The following CCSER1 variants were observed in gnomAD, a reference collection of about 807,000 sequenced individuals.
CCSER1 encodes serine-rich coiled-coil domain-containing protein 1.
Under a neutral mutation model 82.0 loss-of-function variants are expected in CCSER1, and 41 were observed. The ratio of observed to expected loss-of-function variants is 0.50; its 90% CI spans 0.39 to 0.65. The LOEUF is 0.65. Among genes scored for constraint, CCSER1 ranks in the 30% least tolerant of loss-of-function variants. The probability of loss-of-function intolerance (pLI) is 0.00; values close to 1 mark genes in which losing one functional copy is unlikely to be tolerated. For missense variants in CCSER1, 1,119 were observed against 1,064.2 expected (o/e 1.05, Z -0.72); for synonymous variants, 414 against 383.9 (o/e 1.08, Z -0.92).
intron 10 of CCSER1, among the ~76,000 whole-genome samples, chr4:91,543,375 T>C (rs7438076): frequency 0.54 from 81,742 of 152,010 alleles, 22,190 homozygotes; most frequent in African/African-American, 0.59. Context: ...GCTTGTTAGT[T>C]GATGCAGTTT....
chr4:90,757,848 A>G (rs1749779614), intron 7 of CCSER1, among the ~76,000 whole-genome samples: 1 of 152,150 alleles, frequency 6.6e-6, no homozygotes, highest in South Asian at 2.1e-4. Flanking sequence ...ATGTGATTTA[A>G]TGGATGATGT....
At chr4:90,988,104 C>T (rs2078879851) in intron 9 of CCSER1, among the ~76,000 whole-genome samples, 1 of 151,330 alleles carries the variant, frequency 6.6e-6, no homozygotes, top group African/African-American at 2.4e-5. Context: ...ATCACTTGGG[C>T]CTAGGATTTT....
chr4:91,363,121 TCAAAAAA>T (rs1749358485), intron 10 of CCSER1, among the ~76,000 whole-genome samples: 1 of 151,052 alleles, frequency 6.6e-6, no homozygotes, highest in South Asian at 2.1e-4. Flanking sequence ...AGTCATTTCC[TCAAAAAA>T]CAAAAAACAA....
In CCSER1 at chr4:91,556,055, T is replaced by C. The variant is rs549169297; in HGVS notation, c.2218-42517T>C. ...TGGTAAAAGAAAAACTTAAATGAGTTAAGTAAATGAAACGTGCCTTAGCAC... is the reference window on the plus strand; with the variant it reads ...TGGTAAAAGAAAAACTTAAATGAGTCAAGTAAATGAAACGTGCCTTAGCAC... On this transcript the variant is annotated intron_variant, in intron 10 of 10. Transcript: ENST00000509176. Among the ~76,000 whole-genome samples the C allele has an allele frequency of 2.0e-5, 3 of 151,410 alleles. No individual in the cohort carries two copies. In the East Asian group the frequency reaches 5.8e-4, roughly 29 times the overall value.
chr4:91,529,620 TC>T (rs1760926043), intron 10 of CCSER1, among the ~76,000 whole-genome samples: 1 of 152,134 alleles, frequency 6.6e-6, no homozygotes, highest in Non-Finnish European at 1.5e-5. Flanking sequence ...AGTTGCTTTT[TC>T]TTTTTCCTTT....
chr4:91,460,112 CA>C (rs1220912056), intron 10 of CCSER1, among the ~76,000 whole-genome samples: 1 of 152,154 alleles, frequency 6.6e-6, no homozygotes, highest in African/African-American at 2.4e-5. Context: ...TGGTAAATAT[CA>C]AGGCCAGCTT....
chr4:90,218,535 A>G (rs1324215110), intron 1 of CCSER1, among the ~76,000 whole-genome samples: 6 of 152,238 alleles, frequency 3.9e-5, no homozygotes, highest in Non-Finnish European at 5.9e-5. Context: ...GAAATAAAAC[A>G]TTAAACTTGC....
rs1260395653 is a variant in CCSER1, at chr4:91,479,832, G to T, written c.2218-118740G>T. 2.8e-5 allele frequency among the ~76,000 whole-genome samples: 4 copies of T among 143,162 alleles called. No homozygotes were observed. The Admixed American group carries it at 2.8e-4, about 10-fold the overall frequency. 93.9% of individuals were successfully genotyped at this position (143,162 alleles called of 152,430 possible). On this transcript the variant is annotated intron_variant, in intron 10 of 10. Coordinates refer to ENST00000509176, the MANE Select transcript of CCSER1 (RefSeq NM_001145065.2). ...ATGTATACATGTGCCATGCTGGTGC[G>T]CTGCACCCACTAACTCGTCATCTAG...
intron 10 of CCSER1, among the ~76,000 whole-genome samples, chr4:91,265,052 T>C (rs1228806882): frequency 6.6e-6 from 1 of 152,020 alleles, no homozygotes; most frequent in Non-Finnish European, 1.5e-5. Context: ...TTATAAACCA[T>C]AAGAAAGAAA....
At chr4:90,357,981 A>G (rs1744655373) in intron 3 of CCSER1, among the ~76,000 whole-genome samples, 1 of 151,982 alleles carries the variant, frequency 6.6e-6, no homozygotes, top group South Asian at 2.1e-4. Flanking sequence ...CCCAAATTAA[A>G]TCAATCTTCC....
intron 10 of CCSER1, among the ~76,000 whole-genome samples, chr4:91,481,952 T>C (rs1578577534): frequency 6.6e-6 from 1 of 151,794 alleles, no homozygotes; most frequent in East Asian, 1.9e-4. Flanking sequence ...CATCAAAAAG[T>C]GGGTGAAGGA....
At chr4:90,479,783 A>G (rs1414268919) in intron 5 of CCSER1, among the ~76,000 whole-genome samples, 1 of 152,080 alleles carries the variant, frequency 6.6e-6, no homozygotes, top group African/African-American at 2.4e-5. Flanking sequence ...TCATTGTTGG[A>G]CATTTGGGTT....
At chr4:91,177,267 G>A (rs925380981) in intron 10 of CCSER1, among the ~76,000 whole-genome samples, 6 of 152,174 alleles carry the variant, frequency 3.9e-5, no homozygotes, top group African/African-American at 1.4e-4. Flanking sequence ...CAGGGATATT[G>A]GTCTAAAATT....
chr4:91,360,115 A>G (rs1749152200), intron 10 of CCSER1, among the ~76,000 whole-genome samples: 1 of 151,824 alleles, frequency 6.6e-6, no homozygotes, highest in Non-Finnish European at 1.5e-5. Context: ...GTGGCACCAT[A>G]TAGTTCAAAA....
intron 4 of CCSER1, among the ~76,000 whole-genome samples, chr4:90,456,970 C>T (rs1236691443): frequency 3.9e-5 from 6 of 152,200 alleles, no homozygotes; most frequent in African/African-American, 7.2e-5. Flanking sequence ...TGGCAGTCTG[C>T]ACTCGGCTTG....
chr4:90,558,613 A>G (rs976076967), intron 5 of CCSER1, among the ~76,000 whole-genome samples: 1 of 152,140 alleles, frequency 6.6e-6, no homozygotes, highest in Admixed American at 6.5e-5. Context: ...GCTTCTGGTA[A>G]CTGAGTACCT....
In CCSER1 at chr4:91,404,031, T is replaced by C. The variant is rs997952401; in HGVS notation, c.2218-194541T>C. On this transcript the variant is annotated intron_variant, in intron 10 of 10. Coordinates refer to ENST00000509176, the MANE Select transcript of CCSER1 (RefSeq NM_001145065.2). ...GCTGTGAATCCATCTGGTCCTGGAC[T>C]TTTTTTGGTTGGTAGGCTATTAATT... 1.5e-4 allele frequency among the ~76,000 whole-genome samples: 23 copies of C among 152,258 alleles called. 1 individual carries two copies. The highest frequency in any genetic ancestry group is 5.5e-4 in the African/African-American group (23 of 41,554).
intron 5 of CCSER1, among the ~76,000 whole-genome samples, chr4:90,614,013 G>GT (rs1157230863): frequency 6.6e-6 from 1 of 152,100 alleles, no homozygotes. Context: ...CAAATTGAAG[G>GT]TTTTTGGTAA....
At chr4:90,972,999 A>G (rs28857920) in intron 9 of CCSER1, among the ~76,000 whole-genome samples, 8,895 of 151,812 alleles carry the variant, frequency 0.059, 819 homozygotes, top group African/African-American at 0.19. Flanking sequence ...CTCACACTAT[A>G]TATAAAAGTC....
Sources: allele counts gnomAD v4.1 joint callset (sites outside exome capture counted in the v4.1 genomes callset), GRCh38; gene constraint gnomAD v4.1.1; transcripts MANE v1.5; gene names NCBI Gene and HGNC (gene_info 2026-07-23, HGNC 2026-07-21).